The following LRRC4C variants were observed in gnomAD, a reference collection of about 807,000 sequenced individuals.
LRRC4C encodes the protein leucine-rich repeat-containing protein 4C.
In LRRC4C, 5 loss-of-function variants were observed where a neutral mutation model predicts 33.6. The observed-to-expected ratio is 0.15, with a 90% confidence interval of 0.08 to 0.31. The LOEUF is 0.31. Ranked by LOEUF, LRRC4C falls within the 10% of genes least tolerant of loss-of-function variation. The pLI is 1.00. For missense variants in LRRC4C, 560 were observed against 796.7 expected (o/e 0.70, Z 3.58); for synonymous variants, 329 against 302.0 (o/e 1.09, Z -0.93).
chr11:41,166,702 G>T (rs897585342), intron 1 of LRRC4C, among the ~76,000 whole-genome samples: 7 of 152,120 alleles, frequency 4.6e-5, no homozygotes, highest in African/African-American at 1.7e-4. Context: ...AAAAGACAAG[G>T]ATTTATATTT....
intron 1 of LRRC4C, among the ~76,000 whole-genome samples, chr11:40,942,407 C>T (rs1023826781): frequency 3.3e-5 from 5 of 152,136 alleles, no homozygotes; most frequent in Non-Finnish European, 5.9e-5. Context: ...TTAGAAAGTG[C>T]TGCAGTTTTC....
chr11:40,814,943 T>C (rs1951645512), intron 2 of LRRC4C, among the ~76,000 whole-genome samples: 1 of 152,138 alleles, frequency 6.6e-6, no homozygotes, highest in Non-Finnish European at 1.5e-5. Context: ...TCCCATATTT[T>C]TCTGTCCTCT....
At chr11:41,260,859 C>A (rs192703066) in intron 1 of LRRC4C, among the ~76,000 whole-genome samples, 13 of 152,082 alleles carry the variant, frequency 8.5e-5, no homozygotes, top group Non-Finnish European at 1.6e-4. Flanking sequence ...TGCAGAAGCC[C>A]AAGCCAGGAA....
At chr11:40,770,836 C>A (rs1055922671) in intron 2 of LRRC4C, among the ~76,000 whole-genome samples, 1 of 152,162 alleles carries the variant, frequency 6.6e-6, no homozygotes, top group Non-Finnish European at 1.5e-5. Context: ...CCAGGTCACA[C>A]TGATGGAAGA....
At chr11:41,148,241 T>G (rs1301346960) in intron 1 of LRRC4C, among the ~76,000 whole-genome samples, 1 of 151,962 alleles carries the variant, frequency 6.6e-6, no homozygotes, top group Non-Finnish European at 1.5e-5. Context: ...GATCTCGATC[T>G]CCTGATCTTC....
chr11:40,895,395 C>A (rs1955895809), intron 2 of LRRC4C, among the ~76,000 whole-genome samples: 1 of 151,908 alleles, frequency 6.6e-6, no homozygotes, highest in Non-Finnish European at 1.5e-5. Context: ...CCCAAAATTA[C>A]ATTTAGTTGA....
intron 2 of LRRC4C, among the ~76,000 whole-genome samples, chr11:40,811,503 T>A (rs1951487604): frequency 6.6e-6 from 1 of 152,156 alleles, no homozygotes; most frequent in Non-Finnish European, 1.5e-5. Context: ...AAATGGCATC[T>A]ACTCTTTTTT....
rs116838129 is a variant in LRRC4C at position 40,668,863 on chromosome 11, G to T, written c.-406-20585C>A. Among the ~76,000 whole-genome samples the T allele has an allele frequency of 3.3e-3, 504 of 152,254 alleles. 3 individuals are homozygous for T. The highest frequency in any genetic ancestry group is 0.012 in the African/African-American group (482 of 41,534). The stretch of plus-strand genomic sequence containing the variant: ...GACAGTAGAAACCATGGGGCTAGAT[G>T]AATTGATTTTTGGTTCTTTGTCTTT... On this transcript the variant is annotated intron_variant, in intron 2 of 6. Coordinates refer to ENST00000528697, the MANE Select transcript of LRRC4C (RefSeq NM_001258419.2).
intron 4 of LRRC4C, among the ~76,000 whole-genome samples, chr11:40,264,880 C>G (rs952308812): frequency 6.6e-6 from 1 of 152,156 alleles, no homozygotes; most frequent in Non-Finnish European, 1.5e-5. Flanking sequence ...ACAGATCATC[C>G]ATTTCTACAT....
rs375815425 is a variant in LRRC4C, at chr11:40,588,572, T to G, written c.-270+59570A>C. Among the ~76,000 whole-genome samples, 329 of 151,824 alleles carry G rather than the reference T, an allele frequency of 2.2e-3. 9 individuals carry two copies. The East Asian group carries it at 0.034, about 16-fold the overall frequency. On this transcript the variant is annotated intron_variant, in intron 3 of 6. Coordinates refer to ENST00000528697, the MANE Select transcript of LRRC4C (RefSeq NM_001258419.2). ...TAGTTCTTTTAATTGTGATGTTAGGTTGTCAATTTTGGATCTTTCCTGCTT... is the reference window on the plus strand; with the variant it reads ...TAGTTCTTTTAATTGTGATGTTAGGGTGTCAATTTTGGATCTTTCCTGCTT...
At chr11:41,102,983 G>C (rs2135631802) in intron 1 of LRRC4C, among the ~76,000 whole-genome samples, 1 of 151,690 alleles carries the variant, frequency 6.6e-6, no homozygotes, top group East Asian at 1.9e-4. Flanking sequence ...CAATTCAAAA[G>C]GAAACCATCT....
rs980602477 is a variant in LRRC4C, at chr11:40,952,894, A to T, written c.-495-19171T>A. Among the ~76,000 whole-genome samples, 492 of 50,974 alleles carry T rather than the reference A, an allele frequency of 9.7e-3. 2 individuals are homozygous for T. Among genetic ancestry groups the T allele is most frequent in the African/African-American group, 0.022 (430 of 19,994 alleles). The allele number at this position is 50,974 out of a possible 152,430, so 33.4% of individuals were successfully genotyped here. On this transcript the variant is annotated intron_variant, in intron 1 of 6. Transcript: ENST00000528697. The stretch of plus-strand genomic sequence containing the variant: ...CACACACACACACACACACACACAC[A>T]CACTCTCTCTCTCTCTCTCTCTCTC...
At chr11:40,518,738 T>A (rs953444674) in intron 3 of LRRC4C, among the ~76,000 whole-genome samples, 1 of 152,134 alleles carries the variant, frequency 6.6e-6, no homozygotes, top group African/African-American at 2.4e-5. Context: ...GACCCAGCGA[T>A]CTCATTACTG....
chr11:40,804,951 A>G (rs1292476914), intron 2 of LRRC4C, among the ~76,000 whole-genome samples: 1 of 152,170 alleles, frequency 6.6e-6, no homozygotes, highest in Admixed American at 6.5e-5. Context: ...TGATTCCTAA[A>G]TGGATCTTTG....
chr11:40,247,672 T>A, intron 4 of LRRC4C, among the ~76,000 whole-genome samples: 1 of 152,268 alleles, frequency 6.6e-6, no homozygotes, highest in African/African-American at 2.4e-5. Flanking sequence ...GTGTGTGCGT[T>A]TTTTGTTGGT....
intron 1 of LRRC4C, among the ~76,000 whole-genome samples, chr11:41,040,455 C>T (rs1233961493): frequency 6.6e-6 from 1 of 152,166 alleles, no homozygotes; most frequent in Non-Finnish European, 1.5e-5. Flanking sequence ...CGAGATTTTA[C>T]ATATAGCTAA....
intron 3 of LRRC4C, among the ~76,000 whole-genome samples, chr11:40,524,578 T>C (rs1206089220): frequency 1.3e-5 from 2 of 152,184 alleles, no homozygotes; most frequent in Non-Finnish European, 2.9e-5. Context: ...AAGACTGCAA[T>C]GACATTTTAT....
chr11:40,116,414 AGT>A (rs1437661947), intron 6 of LRRC4C, 80 bp from the exon 7 acceptor site: 15 of 1,403,192 alleles, frequency 1.1e-5, no homozygotes, highest in Admixed American at 2.4e-5. Context: ...TCGGTGATAT[AGT>A]GTATCAGCTA....
chr11:40,405,945 C>T (rs77957730), intron 3 of LRRC4C, among the ~76,000 whole-genome samples: 73 of 152,012 alleles, frequency 4.8e-4, no homozygotes, highest in African/African-American at 1.7e-3. Context: ...AGGCCACTTA[C>T]CTTTCTCTGT....
Sources: gnomAD v4.1 joint callset for allele counts (sites outside exome capture counted in the v4.1 genomes callset) on GRCh38, gnomAD v4.1.1 for gene constraint, MANE v1.5 for transcripts, NCBI Gene and HGNC (gene_info 2026-07-23, HGNC 2026-07-21) for gene names.